The following CLUL1 variants were observed in gnomAD, a reference collection of about 807,000 sequenced individuals.
The protein encoded by CLUL1 is clusterin-like protein 1.
Under a neutral mutation model 49.4 loss-of-function variants are expected in CLUL1, and 43 were observed. The ratio of observed to expected loss-of-function variants is 0.87; its 90% CI spans 0.68 to 1.12. The LOEUF (loss-of-function observed/expected upper bound fraction) is 1.12. Ranked by LOEUF, CLUL1 falls within the 50% of genes most tolerant of loss-of-function variation. The pLI, the probability that CLUL1 is intolerant of heterozygous loss-of-function variation, is 0.00. For synonymous variants in CLUL1, 192 were observed against 184.9 expected, an observed-to-expected ratio of 1.04 and a Z score of -0.31; for missense variants, 486 against 544.4, an observed-to-expected ratio of 0.89 and a Z score of 1.07.
At chr18:638,916 A>T (rs140797360) in intron 7 of CLUL1, among the ~76,000 whole-genome samples, 22 of 152,164 alleles carry the variant, frequency 1.4e-4, no homozygotes, top group Non-Finnish European at 3.1e-4. Flanking sequence ...ACCAAAACAG[A>T]TAAAGCCCCA....
chr18:614,406 T>G (rs1053294832), intron 2 of CLUL1: 1 of 152,204 alleles, frequency 6.6e-6, no homozygotes, highest in Non-Finnish European at 1.5e-5. Flanking sequence ...ATAAGTCTGA[T>G]GACAGCTGCT....
chr18:637,290 G>A (rs915427614), intron 7 of CLUL1, among the ~76,000 whole-genome samples: 1 of 152,084 alleles, frequency 6.6e-6, no homozygotes, highest in African/African-American at 2.4e-5. Flanking sequence ...CTGGCCTCCA[G>A]CCTGGGTTCT....
At chr18:601,135 T>G (rs962813855) in intron 1 of CLUL1, among the ~76,000 whole-genome samples, 1 of 152,228 alleles carries the variant, frequency 6.6e-6, no homozygotes, top group African/African-American at 2.4e-5. Context: ...TGCCACTTTC[T>G]GGAGGTGATA....
chr18:602,779 A>C (rs2072869247), intron 1 of CLUL1, among the ~76,000 whole-genome samples: 1 of 152,218 alleles, frequency 6.6e-6, no homozygotes. Context: ...CTGAAGGATA[A>C]GAAACAAAGG....
At chr18:609,436 C>T (rs1033111685) in intron 2 of CLUL1, among the ~76,000 whole-genome samples, 19 of 152,176 alleles carry the variant, frequency 1.2e-4, no homozygotes, top group African/African-American at 2.9e-4. Flanking sequence ...CTTGGGGACA[C>T]GGAATAAATT....
chr18:638,210 T>C (rs573984661), intron 7 of CLUL1, among the ~76,000 whole-genome samples: 2 of 152,222 alleles, frequency 1.3e-5, no homozygotes, highest in Non-Finnish European at 2.9e-5. Context: ...TACAGAAGCA[T>C]AGGTTTTTAT....
Position 627,083 on chromosome 18 carries a change from A to C in CLUL1, c.424-14A>C. On this transcript the variant is annotated splice_polypyrimidine_tract_variant and intron_variant, in intron 5 of 9. Coordinates refer to ENST00000692774, the MANE Select transcript of CLUL1 (RefSeq NM_001393344.1). ...ATTTTTTATTCCATTTCTGTCCCCT[A>C]CTCTACTCCACAGATTGAACGGTTT... The C allele has an allele frequency of 6.4e-7, 1 of 1,551,636 alleles. No individual in the cohort carries two copies. The highest frequency in any genetic ancestry group is 8.9e-7 in the Non-Finnish European group (1 of 1,127,722).
chr18:614,092 A>G (rs2073220106), intron 2 of CLUL1, among the ~76,000 whole-genome samples: 1 of 152,194 alleles, frequency 6.6e-6, no homozygotes, highest in Non-Finnish European at 1.5e-5. Context: ...GTGGCAAGGA[A>G]GTTGATGCAA....
chr18:619,325 A>C lies in CLUL1; in HGVS notation c.219A>C (p.Leu73=), dbSNP rs2073414499. 1 of 1,613,814 alleles carries C rather than the reference A, an allele frequency of 6.2e-7. No homozygotes were observed. Among genetic ancestry groups the C allele is most frequent in the Non-Finnish European group, 8.5e-7 (1 of 1,179,864 alleles). Residue 73 remains leucine, a synonymous_variant, in exon 4 of 10, where the codon CTA becomes CTC. Coordinates refer to ENST00000692774, the MANE Select transcript of CLUL1 (RefSeq NM_001393344.1). The part of the protein sequence containing the change: ...MERKEKEHTN[L]MSTLKKCREE... Reference sequence around the variant, plus strand: ...GAAAAGAGAAGGAACACACCAATCTAATGAGCACCCTGAAGAAATGCAGAG... The same window carrying C: ...GAAAAGAGAAGGAACACACCAATCTCATGAGCACCCTGAAGAAATGCAGAG...
At chr18:635,164 G>C (rs2074102136) in intron 7 of CLUL1, among the ~76,000 whole-genome samples, 1 of 152,152 alleles carries the variant, frequency 6.6e-6, no homozygotes, top group South Asian at 2.1e-4. Flanking sequence ...AAATTCTTCT[G>C]TAAAACAGTG....
At chr18:645,332 G>A in intron 9 of CLUL1, 2 of 344,998 alleles carry the variant, frequency 5.8e-6, no homozygotes, top group East Asian at 4.6e-5. Flanking sequence ...TGTATTGGTG[G>A]GAACATAATT....
intron 1 of CLUL1, among the ~76,000 whole-genome samples, chr18:597,451 T>C (rs954343436): frequency 1.3e-5 from 2 of 151,792 alleles, no homozygotes; most frequent in Admixed American, 1.3e-4. Context: ...CGGAGCCGGG[T>C]GTGGTGGCTC....
chr18:603,619 T>A (rs564470458), intron 1 of CLUL1, among the ~76,000 whole-genome samples: 2 of 152,182 alleles, frequency 1.3e-5, no homozygotes, highest in African/African-American at 4.8e-5. Flanking sequence ...CTACAACCCA[T>A]AGAGCTTATT....
intron 7 of CLUL1, among the ~76,000 whole-genome samples, chr18:637,525 G>A (rs1212346662): frequency 6.6e-6 from 1 of 152,040 alleles, no homozygotes; most frequent in Non-Finnish European, 1.5e-5. Context: ...CAAATTTTCT[G>A]CCATGGACAC....
At chr18:623,587 G>A (rs2073572913) in intron 4 of CLUL1, among the ~76,000 whole-genome samples, 1 of 146,738 alleles carries the variant, frequency 6.8e-6, no homozygotes, top group Non-Finnish European at 1.5e-5. Flanking sequence ...GGAGGTTGCA[G>A]TGAGCTGAGA....
At chr18:597,958 A>G (rs1320154354) in intron 1 of CLUL1, 1 of 152,204 alleles carries the variant, frequency 6.6e-6, no homozygotes, top group East Asian at 1.9e-4. Flanking sequence ...AGCTTAGCCT[A>G]CTTTCCACGT....
chr18:626,304 G>A (rs1339869873), intron 5 of CLUL1, among the ~76,000 whole-genome samples: 1 of 151,994 alleles, frequency 6.6e-6, no homozygotes, highest in African/African-American at 2.4e-5. Context: ...GTAGAGACAG[G>A]GTTTTACCAT....
chr18:641,217 C>G (rs2074334821), intron 7 of CLUL1, 110 bp from the exon 8 acceptor site: 2 of 821,842 alleles, frequency 2.4e-6, no homozygotes, highest in Non-Finnish European at 3.9e-6. Flanking sequence ...AAAACTACCA[C>G]AGGCAAAAGG....
At chr18:612,929 A>C (rs922183002) in intron 2 of CLUL1, 1 of 193,276 alleles carries the variant, frequency 5.2e-6, no homozygotes, top group Non-Finnish European at 1.1e-5. Context: ...GGAAATTTTA[A>C]ATGTACTTGA....
Sources: gnomAD v4.1 joint callset for allele counts (sites outside exome capture counted in the v4.1 genomes callset) on GRCh38, gnomAD v4.1.1 for gene constraint, MANE v1.5 for transcripts, NCBI Gene and HGNC (gene_info 2026-07-23, HGNC 2026-07-21) for gene names.